ADK: variants seen among roughly 807,000 people sequenced by gnomAD.
ADK encodes N6,N6-dimethyladenosine kinase.
In ADK, 24 loss-of-function variants were observed where a neutral mutation model predicts 44.7. That is an observed-to-expected ratio of 0.54 (90% CI 0.39 to 0.76). ADK has a LOEUF of 0.76. ADK is among the 30% of genes least tolerant of loss of function. ADK has a pLI of 0.00. For synonymous variants in ADK, 128 were observed against 142.6 expected (o/e 0.90, Z 0.73); for missense variants, 321 against 425.1 (o/e 0.76, Z 2.15).
chr10:74,599,223 T>G (rs1214196301), intron 8 of ADK, among the ~76,000 whole-genome samples: 1 of 152,234 alleles, frequency 6.6e-6, no homozygotes, highest in Non-Finnish European at 1.5e-5. Flanking sequence ...CCTCTAGAAG[T>G]CATCCTGTTA....
At chr10:74,201,429 T>C (rs759469305) in intron 2 of ADK, among the ~76,000 whole-genome samples, 2 of 152,200 alleles carry the variant, frequency 1.3e-5, no homozygotes, top group Non-Finnish European at 2.9e-5. Flanking sequence ...AGGTCTCAGT[T>C]ACCCATAGGA....
chr10:74,250,411 T>C (rs1845604148), intron 3 of ADK, among the ~76,000 whole-genome samples: 2 of 152,166 alleles, frequency 1.3e-5, no homozygotes, highest in Non-Finnish European at 2.9e-5. Context: ...TGGTGAGATA[T>C]TGTGTAGTTT....
At chr10:74,305,359 C>T (rs1840209042) in intron 3 of ADK, among the ~76,000 whole-genome samples, 1 of 152,186 alleles carries the variant, frequency 6.6e-6, no homozygotes, top group African/African-American at 2.4e-5. Flanking sequence ...ACCCTGATGA[C>T]TCTACTATAG....
At chr10:74,248,759 C>T (rs1350764908) in intron 3 of ADK, among the ~76,000 whole-genome samples, 1 of 152,194 alleles carries the variant, frequency 6.6e-6, no homozygotes, top group Non-Finnish European at 1.5e-5. Context: ...TTTATATCAG[C>T]TGCTCTGTTA....
At chr10:74,358,550 T>C (rs1842218283) in intron 4 of ADK, among the ~76,000 whole-genome samples, 1 of 152,236 alleles carries the variant, frequency 6.6e-6, no homozygotes, top group Non-Finnish European at 1.5e-5. Context: ...GATTATTTCT[T>C]TATGAATGCA....
intron 4 of ADK, among the ~76,000 whole-genome samples, chr10:74,359,788 CT>C (rs1170931150): frequency 6.6e-6 from 1 of 152,064 alleles, no homozygotes; most frequent in Non-Finnish European, 1.5e-5. Context: ...CATGGGATGT[CT>C]TTTTTTCCTT....
intron 6 of ADK, among the ~76,000 whole-genome samples, chr10:74,459,758 A>C (rs1172203436): frequency 1.3e-5 from 2 of 150,086 alleles, no homozygotes. Context: ...AAAAGAAAGG[A>C]GAAAAAAGAA....
intron 1 of ADK, among the ~76,000 whole-genome samples, chr10:74,178,260 A>G (rs80017012): frequency 0.02 from 3,023 of 152,230 alleles, 44 homozygotes; most frequent in Middle Eastern, 0.027. Flanking sequence ...TTCATTCTGT[A>G]CTAACATAGA....
intron 3 of ADK, among the ~76,000 whole-genome samples, chr10:74,284,333 C>T (rs931751298): frequency 4.7e-5 from 7 of 149,906 alleles, no homozygotes; most frequent in Non-Finnish European, 8.9e-5. Context: ...GGCACGATCT[C>T]GGCTCACCGT....
At chr10:74,462,170 G>A (rs533462862) in intron 6 of ADK, among the ~76,000 whole-genome samples, 25 of 152,104 alleles carry the variant, frequency 1.6e-4, no homozygotes, top group African/African-American at 6.0e-4. Flanking sequence ...CTAAGCAGCA[G>A]TAAATTTAAA....
chr10:74,333,429 G>A (rs1348303991), intron 4 of ADK, among the ~76,000 whole-genome samples: 1 of 152,152 alleles, frequency 6.6e-6, no homozygotes, highest in Non-Finnish European at 1.5e-5. Context: ...GAATTTTGCT[G>A]CCTCCCATGT....
intron 10 of ADK, among the ~76,000 whole-genome samples, chr10:74,694,752 G>A (rs554189084): frequency 1.5e-4 from 23 of 152,294 alleles, no homozygotes; most frequent in African/African-American, 5.3e-4. Flanking sequence ...AAAGTGCTGG[G>A]ATTACAGGCA....
At chr10:74,372,141 A>G (rs1842680830) in intron 4 of ADK, 2 of 750,668 alleles carry the variant, frequency 2.7e-6, no homozygotes, top group Admixed American at 3.5e-5. Context: ...TGATCTCTAC[A>G]GAGATCCTAA....
chr10:74,166,149 T>G (rs1842029258), intron 1 of ADK, among the ~76,000 whole-genome samples: 1 of 152,108 alleles, frequency 6.6e-6, no homozygotes, highest in South Asian at 2.1e-4. Flanking sequence ...TGTGTTGGCC[T>G]GGCTGGTCTT....
At chr10:74,663,250 T>TA (rs370112987) in intron 9 of ADK, among the ~76,000 whole-genome samples, 25,512 of 119,206 alleles carry the variant, frequency 0.21, 2,454 homozygotes, top group African/African-American at 0.32. Flanking sequence ...AAAAAAATAA[T>TA]ATATATATAT....
intron 7 of ADK, among the ~76,000 whole-genome samples, chr10:74,534,499 T>A (rs949853266): frequency 6.6e-6 from 1 of 152,186 alleles, no homozygotes; most frequent in African/African-American, 2.4e-5. Context: ...GTTTTGATAG[T>A]CCTGGGTTCT....
intron 7 of ADK, among the ~76,000 whole-genome samples, chr10:74,552,292 A>C (rs986371584): frequency 1.3e-5 from 2 of 152,224 alleles, no homozygotes; most frequent in Admixed American, 1.3e-4. Context: ...AACCAAAAAA[A>C]AAATGTTTTC....
chr10:74,606,238 C>T (rs1014199624), intron 9 of ADK, among the ~76,000 whole-genome samples: 3 of 151,982 alleles, frequency 2.0e-5, no homozygotes, highest in East Asian at 3.8e-4. Flanking sequence ...GTGTCTAACT[C>T]CTTCACCTCT....
chr10:74,345,157 T>C (rs748891452), intron 4 of ADK, among the ~76,000 whole-genome samples: 1 of 152,176 alleles, frequency 6.6e-6, no homozygotes, highest in Non-Finnish European at 1.5e-5. Flanking sequence ...AAGTTACCTA[T>C]TTTTTCTTGA....
Sources: gnomAD v4.1 joint callset for allele counts (sites outside exome capture counted in the v4.1 genomes callset) on GRCh38, gnomAD v4.1.1 for gene constraint, MANE v1.5 for transcripts, NCBI Gene and HGNC (gene_info 2026-07-23, HGNC 2026-07-21) for gene names.